The following PLCE1 variants were observed in gnomAD, a reference collection of about 807,000 sequenced individuals.
PLCE1 encodes the protein phospholipase C epsilon 1, also known as 1-phosphatidylinositol 4,5-bisphosphate phosphodiesterase epsilon-1.
Under a neutral mutation model 242.8 loss-of-function variants are expected in PLCE1, and 119 were observed. The ratio of observed to expected loss-of-function variants is 0.49; its 90% CI spans 0.42 to 0.57. The LOEUF (loss-of-function observed/expected upper bound fraction) is 0.57. Among genes scored for constraint, PLCE1 ranks in the 20% least tolerant of loss-of-function variants. The probability of loss-of-function intolerance (pLI) is 0.00; values close to 1 mark genes in which losing one functional copy is unlikely to be tolerated. For missense variants in PLCE1, 2,441 were observed against 2,788.8 expected, an observed-to-expected ratio of 0.88 and a Z score of 2.81; for synonymous variants, 945 against 1,017.4, an observed-to-expected ratio of 0.93 and a Z score of 1.35.
chr10:94,106,219 G>C (rs918534391), intron 2 of PLCE1: 1 of 152,152 alleles, frequency 6.6e-6, no homozygotes, highest in Non-Finnish European at 1.5e-5. Flanking sequence ...TAGATAATAT[G>C]TATTCTTCCA....
Position 94,298,127 on chromosome 10 carries a change from C to T in PLCE1, c.5168-252C>T, listed in dbSNP as rs1430808992. On this transcript the variant is annotated intron_variant, in intron 23 of 32. Coordinates refer to ENST00000371380, the MANE Select transcript of PLCE1 (RefSeq NM_016341.4). This position sits in a 1 kb window ranked among gnomAD's most constrained non-coding sequence, Gnocchi z 5.2. ...CTTGAACTTCTGGGCTCAAGCAATC[C>T]TCCCACCCTGACCTCCCAAAGTGCT... 6.6e-6 allele frequency among the ~76,000 whole-genome samples: 1 copy of T among 152,010 alleles called. No homozygotes were observed. Among genetic ancestry groups the T allele is most frequent in the Admixed American group, 6.6e-5 (1 of 15,250 alleles).
chr10:94,187,413 A>G (rs933476317), intron 4 of PLCE1, among the ~76,000 whole-genome samples: 2 of 152,252 alleles, frequency 1.3e-5, no homozygotes, highest in African/African-American at 4.8e-5. Context: ...AAGCAATGAT[A>G]AGTAAGTTGT....
At chr10:94,167,339 A>AT (rs1289978848) in intron 3 of PLCE1, among the ~76,000 whole-genome samples, 1 of 151,742 alleles carries the variant, frequency 6.6e-6, no homozygotes, top group Non-Finnish European at 1.5e-5. Context: ...ACCCTCTTTG[A>AT]TTTTAACCAT....
intron 4 of PLCE1, among the ~76,000 whole-genome samples, chr10:94,217,821 C>A (rs1359151052): frequency 6.6e-6 from 1 of 152,150 alleles, no homozygotes; most frequent in Non-Finnish European, 1.5e-5. Context: ...GCAAGCCATT[C>A]TGCAAACAAT....
chr10:94,102,305 C>G (rs2135503516), intron 2 of PLCE1, among the ~76,000 whole-genome samples: 1 of 152,288 alleles, frequency 6.6e-6, no homozygotes. Flanking sequence ...AGGAACCACA[C>G]CCAAGTGTAC....
At position 94,298,628 on chromosome 10, in the gene PLCE1, T is replaced by C. The variant is rs781777103; in HGVS notation, c.5417T>C (p.Leu1806Pro). The C allele has an allele frequency of 6.2e-7, 1 of 1,614,114 alleles. No individual in the cohort carries two copies. The highest frequency in any genetic ancestry group is 8.5e-7 in the Non-Finnish European group (1 of 1,180,000). Residue 1806 changes from leucine to proline, a missense_variant, in exon 24 of 33, where the codon CTC becomes CCC. Physicochemically the swap from Leu to Pro is moderately conservative, Grantham distance 98. This residue lies in a region of PLCE1 where 1,004 missense variants were observed against 1,322.7 expected (regional missense o/e 0.76). Coordinates refer to ENST00000371380, the MANE Select transcript of PLCE1 (RefSeq NM_016341.4). This position sits in a 1 kb window ranked among gnomAD's most constrained non-coding sequence, Gnocchi z 5.2. The stretch of plus-strand genomic sequence containing the variant: ...AACCCGAACCCCCTCATGTTCTGGC[T>C]CCATGGGATACAGCTTGTGGCACTC... ...SSNPNPLMFW[L>P]HGIQLVALNY...
intron 2 of PLCE1, among the ~76,000 whole-genome samples, chr10:94,073,594 A>C (rs1266814188): frequency 6.6e-6 from 1 of 152,198 alleles, no homozygotes; most frequent in Admixed American, 6.5e-5. Flanking sequence ...AATTTAGTTC[A>C]TTTCCTCTTC....
Position 94,262,616 on chromosome 10 carries a change from G to T in PLCE1, c.3937G>T (p.Gly1313Trp). 1 of 1,614,002 alleles carries T rather than the reference G, an allele frequency of 6.2e-7. No individual in the cohort carries two copies. The highest frequency in any genetic ancestry group is 2.2e-5 in the East Asian group (1 of 44,864). The change falls in exon 14 of 33, where the codon GGG (glycine) becomes TGG (tryptophan). Residue 1313 changes from glycine to tryptophan, a missense_variant. Physicochemically the swap from Gly to Trp is radical, Grantham distance 184. Around this residue, in one of 5 missense-constraint regions of PLCE1, gnomAD observed 1,004 missense variants for 1,322.7 expected, o/e 0.76. Transcript: ENST00000371380. ...TGCAAGCATTGTGACAAATGGCACTGGGATTGAGAGCACATCTCTGGGCAT... is the reference window on the plus strand; with the variant it reads ...TGCAAGCATTGTGACAAATGGCACTTGGATTGAGAGCACATCTCTGGGCAT... ...AAASIVTNGTGIESTSLGIFG... is the reference protein window; with the variant it reads ...AAASIVTNGTWIESTSLGIFG...
At chr10:94,253,688 G>T (rs1213498038) in intron 9 of PLCE1, among the ~76,000 whole-genome samples, 2 of 152,080 alleles carry the variant, frequency 1.3e-5, no homozygotes, top group African/African-American at 2.4e-5. Flanking sequence ...CTTGTGTGAA[G>T]TCAGAGCTAG....
chr10:94,290,526 A>T (rs2052608256), intron 22 of PLCE1, among the ~76,000 whole-genome samples: 1 of 151,786 alleles, frequency 6.6e-6, no homozygotes, highest in Non-Finnish European at 1.5e-5. Context: ...GATCACCAAT[A>T]TCATTGTCTT....
Position 94,290,287 on chromosome 10 carries a change from A to G in PLCE1, c.5036-3221A>G, listed in dbSNP as rs1438536462. Among the ~76,000 whole-genome samples the G allele has an allele frequency of 4.6e-5, 7 of 151,086 alleles. No homozygotes were observed. In the East Asian group the frequency reaches 1.4e-3, roughly 29 times the overall value. The stretch of plus-strand genomic sequence containing the variant: ...GCCTTGGCCTCCCAAAATGCTGGAA[A>G]TACAGGCATGAGCCATCGCACCCGG... On this transcript the variant is annotated intron_variant, in intron 22 of 32. Coordinates refer to ENST00000371380, the MANE Select transcript of PLCE1 (RefSeq NM_016341.4).
chr10:94,142,901 T>A (rs760103329), intron 3 of PLCE1, among the ~76,000 whole-genome samples: 4 of 152,202 alleles, frequency 2.6e-5, no homozygotes, highest in Non-Finnish European at 5.9e-5. Flanking sequence ...ATTAATTCAA[T>A]CATTTGACCA....
intron 2 of PLCE1, among the ~76,000 whole-genome samples, chr10:94,082,580 G>A (rs2044684069): frequency 6.6e-6 from 1 of 152,168 alleles, no homozygotes; most frequent in Non-Finnish European, 1.5e-5. Flanking sequence ...TCCTTGAGGG[G>A]TGTGTTCTTC....
chr10:94,094,102 C>T (rs939103599), intron 2 of PLCE1, among the ~76,000 whole-genome samples: 3 of 149,570 alleles, frequency 2.0e-5, no homozygotes, highest in Non-Finnish European at 3.0e-5. Flanking sequence ...CCACTACGCC[C>T]GGCTAATTTT....
intron 28 of PLCE1, among the ~76,000 whole-genome samples, chr10:94,314,460 G>A (rs1258964177): frequency 1.3e-5 from 2 of 152,120 alleles, no homozygotes; most frequent in Non-Finnish European, 2.9e-5. Flanking sequence ...TAGGTGTGGT[G>A]GCGCACATCT....
chr10:94,089,574 A>T (rs2044982870), intron 2 of PLCE1, among the ~76,000 whole-genome samples: 1 of 152,246 alleles, frequency 6.6e-6, no homozygotes, highest in Non-Finnish European at 1.5e-5. Flanking sequence ...GTTTAACTAT[A>T]GAGATACAAA....
chr10:94,258,773 C>G (rs1021826740), intron 11 of PLCE1, 27 bp from the exon 12 acceptor site: 1 of 1,613,952 alleles, frequency 6.2e-7, no homozygotes, highest in Non-Finnish European at 8.5e-7. Flanking sequence ...TGCCCTTGTG[C>G]CCATGAAGGC....
intron 4 of PLCE1, among the ~76,000 whole-genome samples, chr10:94,208,182 G>A (rs895535050): frequency 1.3e-5 from 2 of 152,312 alleles, no homozygotes; most frequent in South Asian, 4.1e-4. Context: ...ACACCTGGCA[G>A]ACACCAACCT....
At position 94,286,610 on chromosome 10, in the gene PLCE1, T is replaced by C. The variant is rs143638515; in HGVS notation, c.5035+1645T>C. ...ATTAAAATCATTTTAATTGTAAGTT[T>C]TCTCCTATAAGCTGTTTTTAAACTT... On this transcript the variant is annotated intron_variant, in intron 22 of 32. Transcript: ENST00000371380. 3.9e-3 allele frequency among the ~76,000 whole-genome samples: 600 copies of C among 152,306 alleles called. 1 individual carries two copies. Among genetic ancestry groups the C allele is most frequent in the African/African-American group, 0.014 (576 of 41,556 alleles).
Sources: allele counts gnomAD v4.1 joint callset (sites outside exome capture counted in the v4.1 genomes callset), GRCh38; gene constraint gnomAD v4.1.1; regional missense constraint gnomAD v4.1.1; non-coding constraint Gnocchi (gnomAD v3.1); transcripts MANE v1.5; gene names NCBI Gene and HGNC (gene_info 2026-07-23, HGNC 2026-07-21).